Variants in ELOVL5 observed in about 807,000 individuals in gnomAD.
The protein encoded by ELOVL5 is ELOVL fatty acid elongase 5.
A neutral mutation model predicts 38.6 loss-of-function variants in ELOVL5; 8 were observed. The observed-to-expected ratio is 0.21, with a 90% CI of 0.12 to 0.37. The LOEUF is 0.37. Ranked by LOEUF, ELOVL5 falls within the 10% of genes least tolerant of loss-of-function variation. The pLI, the probability that ELOVL5 is intolerant of heterozygous loss-of-function variation, is 1.00. For missense variants in ELOVL5, 280 were observed against 367.8 expected (o/e 0.76, Z 1.95); for synonymous variants, 127 against 133.7 (o/e 0.95, Z 0.34).
chr6:53,289,073 G>A (rs981162029), intron 3 of ELOVL5, among the ~76,000 whole-genome samples: 3 of 151,900 alleles, frequency 2.0e-5, no homozygotes, highest in Non-Finnish European at 4.4e-5. Flanking sequence ...AAAAAACCCC[G>A]CTTCTTCCTG....
intron 1 of ELOVL5, chr6:53,336,804 C>A (rs182289508): frequency 6.6e-6 from 1 of 152,330 alleles, no homozygotes; most frequent in Admixed American, 6.5e-5. Context: ...TGCAGGTAAG[C>A]AAGGCCCTTT....
At chr6:53,308,651 A>G (rs1767700679) in intron 1 of ELOVL5, among the ~76,000 whole-genome samples, 1 of 152,114 alleles carries the variant, frequency 6.6e-6, no homozygotes, top group Non-Finnish European at 1.5e-5. Context: ...ATTCTGGGAA[A>G]CAGCCTGCTT....
rs115574535 is a variant in ELOVL5, at chr6:53,345,262, C to A, written c.-9+3555G>T. Among the ~76,000 whole-genome samples the A allele has an allele frequency of 4.1e-3, 627 of 152,258 alleles. 7 individuals are homozygous for A. Among genetic ancestry groups the A allele is most frequent in the African/African-American group, 0.014 (577 of 41,534 alleles). The stretch of plus-strand genomic sequence containing the variant: ...ACATAACAGACATCTGAGGGGACTT[C>A]AGAGAAATGGAGCAAAAGTCCTGCC... On this transcript the variant is annotated intron_variant, in intron 1 of 7. Transcript: ENST00000304434.
intron 1 of ELOVL5, 55 bp downstream of exon 1, chr6:53,348,762 G>C (rs1769696968): frequency 8.9e-6 from 4 of 451,668 alleles, no homozygotes; most frequent in South Asian, 6.2e-5. Context: ...GCTCGCGCGG[G>C]TGTCATGGCC....
intron 1 of ELOVL5, among the ~76,000 whole-genome samples, chr6:53,348,499 G>C (rs896783478): frequency 6.6e-6 from 1 of 152,098 alleles, no homozygotes; most frequent in African/African-American, 2.4e-5. Flanking sequence ...CGTGCCCCGC[G>C]GCGCCTGTCA....
At chr6:53,289,675 G>T (rs1295008981) in intron 3 of ELOVL5, among the ~76,000 whole-genome samples, 1 of 152,214 alleles carries the variant, frequency 6.6e-6, no homozygotes, top group Non-Finnish European at 1.5e-5. Flanking sequence ...AGCCGAGATG[G>T]CGCCACTGCA....
intron 1 of ELOVL5, among the ~76,000 whole-genome samples, chr6:53,299,040 T>C (rs1012571856): frequency 1.3e-5 from 2 of 152,010 alleles, no homozygotes; most frequent in East Asian, 1.9e-4. Flanking sequence ...ATACAAAGGA[T>C]TGCCAAAATA....
intron 1 of ELOVL5, among the ~76,000 whole-genome samples, chr6:53,322,738 A>G (rs1768349306): frequency 6.6e-6 from 1 of 152,224 alleles, no homozygotes; most frequent in Non-Finnish European, 1.5e-5. Context: ...CCAGCAAAAC[A>G]TTGGTCAAGT....
intron 1 of ELOVL5, among the ~76,000 whole-genome samples, chr6:53,332,783 G>A (rs1184414501): frequency 6.6e-6 from 1 of 152,114 alleles, no homozygotes; most frequent in African/African-American, 2.4e-5. Flanking sequence ...TAGTTTCTTT[G>A]GCTCTGTTTG....
chr6:53,344,233 CA>C (rs1269430071), intron 1 of ELOVL5, among the ~76,000 whole-genome samples: 1 of 152,204 alleles, frequency 6.6e-6, no homozygotes, highest in Non-Finnish European at 1.5e-5. Flanking sequence ...CATCTGATCA[CA>C]AAGCTCCCTC....
intron 3 of ELOVL5, among the ~76,000 whole-genome samples, chr6:53,286,486 C>T (rs1353681836): frequency 1.3e-5 from 2 of 152,096 alleles, no homozygotes; most frequent in Admixed American, 1.3e-4. Flanking sequence ...TCGCTTAAGG[C>T]CAGGAGTTCT....
chr6:53,289,893 A>C (rs771503623), intron 3 of ELOVL5, among the ~76,000 whole-genome samples: 4 of 152,242 alleles, frequency 2.6e-5, no homozygotes, highest in Admixed American at 2.0e-4. Flanking sequence ...ACTTGGGTAT[A>C]TCTGACCTGG....
chr6:53,319,938 G>A (rs756421102), intron 1 of ELOVL5, among the ~76,000 whole-genome samples: 4 of 152,164 alleles, frequency 2.6e-5, no homozygotes, highest in Non-Finnish European at 5.9e-5. Flanking sequence ...TAAGTAAGAC[G>A]AAGGTTTGGT....
intron 1 of ELOVL5, among the ~76,000 whole-genome samples, chr6:53,326,107 T>C (rs559854432): frequency 1.3e-5 from 2 of 152,296 alleles, no homozygotes; most frequent in Non-Finnish European, 2.9e-5. Flanking sequence ...AAGGACACAG[T>C]AGACAGAAAG....
chr6:53,341,345 T>C (rs548789445), intron 1 of ELOVL5, among the ~76,000 whole-genome samples: 39 of 152,288 alleles, frequency 2.6e-4, no homozygotes, highest in African/African-American at 9.4e-4. Context: ...TCAACCTTGT[T>C]TCCTCTCATG....
intron 1 of ELOVL5, among the ~76,000 whole-genome samples, chr6:53,320,793 C>T (rs2127587157): frequency 6.6e-6 from 1 of 152,298 alleles, no homozygotes; most frequent in African/African-American, 2.4e-5. Flanking sequence ...ACTGAAAAAA[C>T]AAACCATCTC....
chr6:53,315,647 G>T (rs1767999900), intron 1 of ELOVL5, among the ~76,000 whole-genome samples: 1 of 152,102 alleles, frequency 6.6e-6, no homozygotes, highest in Non-Finnish European at 1.5e-5. Context: ...ATTTCCGGGG[G>T]TTCCATATCA....
At chr6:53,287,460 G>C (rs1045007995) in intron 3 of ELOVL5, among the ~76,000 whole-genome samples, 3 of 152,152 alleles carry the variant, frequency 2.0e-5, no homozygotes, top group Non-Finnish European at 4.4e-5. Context: ...GTGTCAGTGG[G>C]GCAAGGATGG....
intron 3 of ELOVL5, among the ~76,000 whole-genome samples, chr6:53,289,868 T>G (rs919268878): frequency 6.6e-6 from 1 of 152,240 alleles, no homozygotes; most frequent in African/African-American, 2.4e-5. Context: ...CTTGGAGCAC[T>G]AGGGCTTATT....
Sources: allele counts gnomAD v4.1 joint callset (sites outside exome capture counted in the v4.1 genomes callset), GRCh38; gene constraint gnomAD v4.1.1; transcripts MANE v1.5; gene names NCBI Gene and HGNC (gene_info 2026-07-23, HGNC 2026-07-21).